The following AK9 variants were observed in gnomAD, a reference collection of about 807,000 sequenced individuals.
The protein encoded by AK9 is adenylate kinase domain containing 1.
A neutral mutation model predicts 239.6 loss-of-function variants in AK9; 191 were observed. The observed-to-expected ratio is 0.80, with a 90% CI of 0.71 to 0.90. The LOEUF is 0.90. AK9 is among the 40% of genes least tolerant of loss of function. The probability of loss-of-function intolerance (pLI) is 0.00; values close to 1 mark genes in which losing one functional copy is unlikely to be tolerated. For synonymous variants in AK9, 689 were observed against 721.0 expected, an observed-to-expected ratio of 0.96 and a Z score of 0.71; for missense variants, 1,995 against 2,214.7, an observed-to-expected ratio of 0.90 and a Z score of 1.99.
At chr6:109,658,428 CA>C (rs1384908626) in intron 7 of AK9, among the ~76,000 whole-genome samples, 1 of 152,096 alleles carries the variant, frequency 6.6e-6, no homozygotes, top group Non-Finnish European at 1.5e-5. Context: ...AACATAATTT[CA>C]GAAAGTGATT....
Position 109,689,774 on chromosome 6 carries a change from C to A in AK9, c.-12+1373G>T, listed in dbSNP as rs533509798. 2.6e-5 allele frequency among the ~76,000 whole-genome samples: 4 copies of A among 152,312 alleles called. No individual in the cohort carries two copies. The East Asian group carries it at 7.7e-4, about 29-fold the overall frequency. ...CTAAGATAAAGTTAAAATGGAAGTG[C>A]TAAACTATAATAATTGAAAACTAGA... On this transcript the variant is annotated intron_variant, in intron 1 of 40. Coordinates refer to ENST00000424296, the MANE Select transcript of AK9 (RefSeq NM_001145128.3).
intron 21 of AK9, among the ~76,000 whole-genome samples, chr6:109,568,444 T>C (rs11153192): frequency 6.6e-6 from 1 of 151,822 alleles, no homozygotes; most frequent in African/African-American, 2.4e-5. Flanking sequence ...TCAGGCAAGA[T>C]AAAGAAATAA....
At chr6:109,599,365 G>T (rs1296999658) in intron 17 of AK9, among the ~76,000 whole-genome samples, 1 of 152,168 alleles carries the variant, frequency 6.6e-6, no homozygotes, top group Non-Finnish European at 1.5e-5. Flanking sequence ...TGTCAGGTTT[G>T]TCAAAGATCA....
At chr6:109,546,161 TA>T in intron 25 of AK9, 34 bp from the exon 26 acceptor site, 1 of 1,525,428 alleles carries the variant, frequency 6.6e-7, no homozygotes, top group Non-Finnish European at 8.8e-7. Context: ...AGGGGTGGGA[TA>T]AAGGGAGAGT....
At chr6:109,608,374 G>A (rs1793176454) in intron 17 of AK9, among the ~76,000 whole-genome samples, 1 of 150,666 alleles carries the variant, frequency 6.6e-6, no homozygotes, top group South Asian at 2.1e-4. Flanking sequence ...AGTCTATAAA[G>A]GGACTACACA....
intron 19 of AK9, among the ~76,000 whole-genome samples, chr6:109,583,571 T>C (rs914999661): frequency 6.6e-6 from 1 of 152,160 alleles, no homozygotes; most frequent in Non-Finnish European, 1.5e-5. Context: ...AAACTCATGT[T>C]GAATTTTAAA....
intron 17 of AK9, among the ~76,000 whole-genome samples, chr6:109,602,422 A>G (rs528423056): frequency 1.9e-4 from 29 of 152,276 alleles, no homozygotes; most frequent in African/African-American, 6.3e-4. Context: ...TCTGGCTTGT[A>G]GAGTTTCTGC....
At chr6:109,667,153 A>G (rs1358359536) in intron 5 of AK9, among the ~76,000 whole-genome samples, 2 of 151,624 alleles carry the variant, frequency 1.3e-5, no homozygotes, top group Non-Finnish European at 2.9e-5. Flanking sequence ...TGATGGAAAC[A>G]CCAATTATTA....
chr6:109,603,375 T>C (rs952756189), intron 17 of AK9, among the ~76,000 whole-genome samples: 1 of 152,234 alleles, frequency 6.6e-6, no homozygotes, highest in African/African-American at 2.4e-5. Context: ...CAGCGGAGGC[T>C]GCAGTACAGC....
rs147494551 is a variant in AK9, at chr6:109,593,447, C to T, written c.1843-7375G>A. Among the ~76,000 whole-genome samples, 951 of 152,054 alleles carry T rather than the reference C, an allele frequency of 6.3e-3. 15 individuals carry two copies. Among genetic ancestry groups the T allele is most frequent in the African/African-American group, 0.021 (885 of 41,496 alleles). On this transcript the variant is annotated intron_variant, in intron 17 of 40. Coordinates refer to ENST00000424296, the MANE Select transcript of AK9 (RefSeq NM_001145128.3). ...TTCTACCAGGGGTACAAAGAGGAGCCGGTACCATTCCTTCTGAAACTATTC... is the reference window on the plus strand; with the variant it reads ...TTCTACCAGGGGTACAAAGAGGAGCTGGTACCATTCCTTCTGAAACTATTC...
chr6:109,550,742 A>T (rs1283221879), intron 24 of AK9, among the ~76,000 whole-genome samples: 2 of 152,248 alleles, frequency 1.3e-5, no homozygotes, highest in African/African-American at 4.8e-5. Flanking sequence ...ATATGATCAA[A>T]TAATAATTTG....
chr6:109,607,830 T>C (rs780305957), intron 17 of AK9, among the ~76,000 whole-genome samples: 17 of 150,566 alleles, frequency 1.1e-4, no homozygotes, highest in Non-Finnish European at 1.8e-4. Flanking sequence ...CATTCTAAAA[T>C]TTATGTGGAA....
intron 38 of AK9, 99 bp downstream of exon 38, chr6:109,497,358 ACACACTCT>A (rs754815433): frequency 2.2e-5 from 13 of 583,964 alleles, no homozygotes; most frequent in Middle Eastern, 3.0e-4. Context: ...ACACACACAC[ACACACTCT>A]CTCTCTCTCT....
chr6:109,493,383 G>A lies in AK9; in HGVS notation c.5722C>T (p.Pro1908Ser). The change falls in exon 41 of 41, where the codon CCA (proline) becomes TCA (serine). Residue 1908 changes from proline (P) to serine (S), a missense_variant. Physicochemically the swap from Pro to Ser is moderately conservative, Grantham distance 74. This residue lies in a region of AK9 where 391 missense variants were observed against 456.0 expected (regional missense o/e 0.86). Coordinates refer to ENST00000424296, the MANE Select transcript of AK9 (RefSeq NM_001145128.3). The stretch of plus-strand genomic sequence containing the variant: ...ACCTAAGTAAACTACCCATTAATTG[G>A]GTCTATATTTCTGAGAGAGAGAAAG... ...KTFLSLRNID[P>S]ING The A allele has an allele frequency of 6.2e-7, 1 of 1,613,480 alleles. No homozygotes were observed.
rs750163972 is a variant in AK9, at chr6:109,506,524, C to T, written c.4652G>A (p.Ser1551Asn). ...ATTATTGACAGCTACAATTTGTGCA[C>T]TATTGTGCAATGGATAAGGCAATCT... ...EQRLPYPLHN[S>N]AQIVAVNNVK... The change falls in exon 35 of 41, where the codon AGT becomes AAT. Residue 1551 changes from serine to asparagine, a missense_variant. Transcript: ENST00000424296. 8.2e-6 allele frequency: 13 copies of T among 1,594,918 alleles called. No homozygotes were observed. In the East Asian group the frequency reaches 2.3e-4, roughly 28 times the overall value.
chr6:109,552,102 T>A (rs1371636935), intron 24 of AK9, among the ~76,000 whole-genome samples: 2 of 152,184 alleles, frequency 1.3e-5, no homozygotes, highest in Non-Finnish European at 2.9e-5. Flanking sequence ...ATATACCACA[T>A]TTTCTTTATC....
At chr6:109,684,562 C>A (rs1338926221) in intron 1 of AK9, among the ~76,000 whole-genome samples, 2 of 142,598 alleles carry the variant, frequency 1.4e-5, no homozygotes, top group African/African-American at 5.4e-5. Flanking sequence ...GAAAAAAAAA[C>A]AAACAACCCC....
In AK9 at chr6:109,555,033, T is replaced by C. The variant is rs142606967; in HGVS notation, c.2752-4731A>G. Among the ~76,000 whole-genome samples the C allele has an allele frequency of 1.8e-4, 27 of 152,336 alleles. 1 individual carries two copies. In the East Asian group the frequency reaches 2.5e-3, roughly 14 times the overall value. On this transcript the variant is annotated intron_variant, in intron 24 of 40. Transcript: ENST00000424296. The stretch of plus-strand genomic sequence containing the variant: ...TCCTTCAATTCTTCTCTTATCTTAG[T>C]TATTTCTTGTCTTCTGCTAGCTTTT...
At chr6:109,600,810 G>C (rs1791837064) in intron 17 of AK9, among the ~76,000 whole-genome samples, 1 of 152,014 alleles carries the variant, frequency 6.6e-6, no homozygotes, top group African/African-American at 2.4e-5. Context: ...GTCTTGGGAG[G>C]GTGTATGTGT....
Sources: allele counts gnomAD v4.1 joint callset (sites outside exome capture counted in the v4.1 genomes callset), GRCh38; gene constraint gnomAD v4.1.1; regional missense constraint gnomAD v4.1.1; transcripts MANE v1.5; gene names NCBI Gene and HGNC (gene_info 2026-07-23, HGNC 2026-07-21).